The following SENP5 variants were observed in gnomAD, a reference collection of about 807,000 sequenced individuals.
SENP5 encodes sentrin-specific protease 5.
A neutral mutation model predicts 74.2 loss-of-function variants in SENP5; 21 were observed. The ratio of observed to expected loss-of-function variants is 0.28; its 90% CI spans 0.20 to 0.41. SENP5 has a LOEUF of 0.41. Among genes scored for constraint, SENP5 ranks in the 10% least tolerant of loss-of-function variants. SENP5 has a pLI of 1.00. For missense variants in SENP5, 717 were observed against 889.1 expected, an observed-to-expected ratio of 0.81 and a Z score of 2.46; for synonymous variants, 311 against 312.7, an observed-to-expected ratio of 0.99 and a Z score of 0.06.
At chr3:196,877,436 C>G (rs992365855) in intron 1 of SENP5, among the ~76,000 whole-genome samples, 1 of 152,136 alleles carries the variant, frequency 6.6e-6, no homozygotes, top group African/African-American at 2.4e-5. Flanking sequence ...CTGCCCTGCT[C>G]GACCTTCAAA....
At chr3:196,930,174 A>T (rs1715983948) in intron 9 of SENP5, among the ~76,000 whole-genome samples, 1 of 152,228 alleles carries the variant, frequency 6.6e-6, no homozygotes, top group Non-Finnish European at 1.5e-5. Context: ...AATATGATGC[A>T]TGAATTTAGA....
intron 6 of SENP5, among the ~76,000 whole-genome samples, chr3:196,910,797 G>C (rs1363669443): frequency 6.6e-6 from 1 of 152,112 alleles, no homozygotes; most frequent in African/African-American, 2.4e-5. Flanking sequence ...CAAAGCTGTA[G>C]GCATCACATA....
chr3:196,895,266 G>A (rs149138398), intron 2 of SENP5, among the ~76,000 whole-genome samples: 1,645 of 146,202 alleles, frequency 0.011, 21 homozygotes, highest in African/African-American at 0.033. Flanking sequence ...ATCTCAGCTC[G>A]CTGCAAGCTC....
In SENP5 at chr3:196,928,417, T is replaced by TC. The variant is rs139265839; in HGVS notation, c.2106+539dup. On this transcript the variant is annotated intron_variant, in intron 8 of 9. Coordinates refer to ENST00000323460, the MANE Select transcript of SENP5 (RefSeq NM_152699.5). ...ATTCCTGTCGTAAATACCAGTGTCTTCATTGATGGTGGGCTGTGTTGTTTC... is the reference window on the plus strand; with the variant it reads ...ATTCCTGTCGTAAATACCAGTGTCTTCCATTGATGGTGGGCTGTGTTGTTTC... 9.1e-3 allele frequency among the ~76,000 whole-genome samples: 1,392 copies of TC among 152,354 alleles called. 20 individuals are homozygous for TC. Among genetic ancestry groups the TC allele is most frequent in the African/African-American group, 0.032 (1,331 of 41,582 alleles).
At chr3:196,922,629 T>C (rs1258607251) in intron 6 of SENP5, among the ~76,000 whole-genome samples, 1 of 152,114 alleles carries the variant, frequency 6.6e-6, no homozygotes, top group East Asian at 1.9e-4. Flanking sequence ...TTTATTTATT[T>C]ATTTTTCTTG....
At chr3:196,893,348 TTG>T (rs60365779) in intron 2 of SENP5, among the ~76,000 whole-genome samples, 81 of 152,316 alleles carry the variant, frequency 5.3e-4, no homozygotes, top group African/African-American at 1.9e-3. Context: ...CATTTAAATC[TTG>T]TGTGCATGTG....
intron 6 of SENP5, among the ~76,000 whole-genome samples, chr3:196,909,295 A>G (rs1182321634): frequency 1.3e-5 from 2 of 152,236 alleles, no homozygotes; most frequent in Non-Finnish European, 2.9e-5. Flanking sequence ...CAAAAAGCCC[A>G]GGACCAGATG....
chr3:196,929,992 A>AT lies in SENP5; in HGVS notation c.2157+309_2157+310insT, dbSNP rs1715970318. Among the ~76,000 whole-genome samples the AT allele has an allele frequency of 2.0e-5, 3 of 151,582 alleles. No individual in the cohort carries two copies. In the East Asian group the frequency reaches 5.8e-4, roughly 29 times the overall value. On this transcript the variant is annotated intron_variant, in intron 9 of 9. Coordinates refer to ENST00000323460, the MANE Select transcript of SENP5 (RefSeq NM_152699.5). ...CATAACCATTGGCATTTGCATAAAAAAAAAAAAAAAAAAACATTGGCAAGC... is the reference window on the plus strand; with the variant it reads ...CATAACCATTGGCATTTGCATAAAAATAAAAAAAAAAAAAACATTGGCAAGC...
intron 1 of SENP5, among the ~76,000 whole-genome samples, chr3:196,883,506 ATCC>A (rs1713816630): frequency 6.6e-6 from 1 of 152,166 alleles, no homozygotes; most frequent in African/African-American, 2.4e-5. Context: ...ATCCTGGGTC[ATCC>A]TCCTCAGAAA....
chr3:196,884,269 A>T (rs1477443104), intron 1 of SENP5, among the ~76,000 whole-genome samples: 2 of 152,214 alleles, frequency 1.3e-5, no homozygotes, highest in Non-Finnish European at 2.9e-5. Flanking sequence ...GACTTTATCA[A>T]ATGCTCTCAC....
At chr3:196,904,322 A>G (rs1239957762) in intron 6 of SENP5, among the ~76,000 whole-genome samples, 1 of 152,228 alleles carries the variant, frequency 6.6e-6, no homozygotes, top group Admixed American at 6.5e-5. Flanking sequence ...TGAAGATCAG[A>G]GGAGCATTCC....
At chr3:196,915,280 A>G (rs978181615) in intron 6 of SENP5, among the ~76,000 whole-genome samples, 2 of 152,184 alleles carry the variant, frequency 1.3e-5, no homozygotes, top group African/African-American at 4.8e-5. Context: ...CACTCCCACA[A>G]CTTGAAGCAG....
At chr3:196,874,814 G>C (rs1035338317) in intron 1 of SENP5, among the ~76,000 whole-genome samples, 3 of 152,118 alleles carry the variant, frequency 2.0e-5, no homozygotes, top group Admixed American at 2.0e-4. Flanking sequence ...GGGAGGCGGA[G>C]GTTGCAGTGA....
intron 1 of SENP5, among the ~76,000 whole-genome samples, chr3:196,869,449 C>T (rs1240667734): frequency 6.6e-6 from 1 of 151,540 alleles, no homozygotes; most frequent in East Asian, 2.0e-4. Flanking sequence ...AGTGATCTAC[C>T]TGCTTCCGCC....
chr3:196,882,364 G>A (rs1271678623), intron 1 of SENP5, among the ~76,000 whole-genome samples: 1 of 151,938 alleles, frequency 6.6e-6, no homozygotes, highest in Non-Finnish European at 1.5e-5. Flanking sequence ...CTGAAATTCT[G>A]TACCCATTAA....
intron 6 of SENP5, among the ~76,000 whole-genome samples, chr3:196,920,120 A>T (rs1242435926): frequency 6.6e-6 from 1 of 152,172 alleles, no homozygotes; most frequent in Non-Finnish European, 1.5e-5. Context: ...AGCATGCTGG[A>T]ATGATTGGGA....
At chr3:196,892,586 A>G (rs1456631189) in intron 2 of SENP5, among the ~76,000 whole-genome samples, 1 of 152,188 alleles carries the variant, frequency 6.6e-6, no homozygotes, top group Admixed American at 6.5e-5. Context: ...TTTAAAATCA[A>G]TTCTCATCTA....
At chr3:196,923,322 C>A in intron 6 of SENP5, 92 bp from the exon 7 acceptor site, 1 of 1,412,736 alleles carries the variant, frequency 7.1e-7, no homozygotes, top group Non-Finnish European at 9.5e-7. Context: ...TGCCCTTGTG[C>A]AGGTCAAAGG....
chr3:196,894,359 G>T (rs1251687463), intron 2 of SENP5, among the ~76,000 whole-genome samples: 1 of 151,756 alleles, frequency 6.6e-6, no homozygotes, highest in Non-Finnish European at 1.5e-5. Flanking sequence ...CCAAACTCAG[G>T]TGATCCGCCC....
Sources: allele counts gnomAD v4.1 joint callset (sites outside exome capture counted in the v4.1 genomes callset), GRCh38; gene constraint gnomAD v4.1.1; transcripts MANE v1.5; gene names NCBI Gene and HGNC (gene_info 2026-07-23, HGNC 2026-07-21).